The following ATF1 variants were observed in gnomAD, a reference collection of about 807,000 sequenced individuals.
The protein encoded by ATF1 is activating transcription factor 1.
In ATF1, 16 loss-of-function variants were observed where a neutral mutation model predicts 34.7. That is an observed-to-expected ratio of 0.46 (90% CI 0.31 to 0.70). The LOEUF (loss-of-function observed/expected upper bound fraction) is 0.70. Ranked by LOEUF, ATF1 falls within the 30% of genes least tolerant of loss-of-function variation. ATF1 has a pLI of 0.05. For missense variants in ATF1, 255 were observed against 321.6 expected (o/e 0.79, Z 1.58); for synonymous variants, 105 against 113.1 (o/e 0.93, Z 0.46).
rs1202757802 is a variant in ATF1, at chr12:50,817,377, ATCT to A, written c.672-2256_672-2254del. ...TGAATAATCATTTCAACATGAATAAATCTTAGAAAAATTGAATGAAAAAACAAG... is the reference window on the plus strand; with the variant it reads ...TGAATAATCATTTCAACATGAATAAATAGAAAAATTGAATGAAAAAACAAG... On this transcript the variant is annotated intron_variant, in intron 6 of 6. Coordinates refer to ENST00000262053, the MANE Select transcript of ATF1 (RefSeq NM_005171.5). 3.9e-5 allele frequency among the ~76,000 whole-genome samples: 6 copies of A among 152,352 alleles called. No homozygotes were observed. In the East Asian group the frequency reaches 7.7e-4, roughly 20 times the overall value.
chr12:50,809,599 G>C lies in ATF1; in HGVS notation c.328+10G>C. On this transcript the variant is annotated intron_variant, in intron 4 of 6. Transcript: ENST00000262053. Reference sequence around the variant, plus strand: ...AGCAGCGGACAGTACAGTATGTATAGGAATCAGTTTCCACATTATAAACAC... The same window carrying C: ...AGCAGCGGACAGTACAGTATGTATACGAATCAGTTTCCACATTATAAACAC... 2 of 1,599,278 alleles carry C rather than the reference G, an allele frequency of 1.3e-6. No individual in the cohort carries two copies. The highest frequency in any genetic ancestry group is 2.3e-5 in the South Asian group (2 of 88,626).
intron 3 of ATF1, among the ~76,000 whole-genome samples, chr12:50,801,559 A>C (rs565086522): frequency 6.6e-6 from 1 of 152,332 alleles, no homozygotes; most frequent in South Asian, 2.1e-4. Flanking sequence ...TATAGACACA[A>C]AAAATCCTCG....
At position 50,809,572 on chromosome 12, in the gene ATF1, C is replaced by G; in HGVS notation, c.311C>G (p.Thr104Ser). Reference protein sequence around the residue: ...SMSVPTPIYQTSSGQYIAIAP... With the variant: ...SMSVPTPIYQSSSGQYIAIAP... ...TCTGTTCCAACTCCCATCTATCAGA[C>G]TAGCAGCGGACAGTACAGTATGTAT... Residue 104 changes from threonine to serine, a missense_variant, in exon 4 of 7, where the codon ACT becomes AGT. Transcript: ENST00000262053. 1.2e-6 allele frequency: 2 copies of G among 1,613,704 alleles called. No homozygotes were observed. Among genetic ancestry groups the G allele is most frequent in the Non-Finnish European group, 1.7e-6 (2 of 1,179,744 alleles).
intron 6 of ATF1, among the ~76,000 whole-genome samples, chr12:50,816,932 A>G (rs533455490): frequency 4.6e-5 from 7 of 152,298 alleles, no homozygotes; most frequent in Admixed American, 1.3e-4. Flanking sequence ...CCTTATTAGT[A>G]ATCAAAGAAA....
Position 50,794,932 on chromosome 12 carries a change from T to A in ATF1, c.94-977T>A, listed in dbSNP as rs544115717. On this transcript the variant is annotated intron_variant, in intron 2 of 6. Coordinates refer to ENST00000262053, the MANE Select transcript of ATF1 (RefSeq NM_005171.5). ...AGACCCTGTCTCAAAAATAAAAAAA[T>A]TAAAAATATTTAAAAAAAAATTGAA... 1.9e-4 allele frequency among the ~76,000 whole-genome samples: 29 copies of A among 152,014 alleles called. 1 individual carries two copies. In the East Asian group the frequency reaches 5.4e-3, roughly 28 times the overall value.
chr12:50,797,365 A>C (rs1941428042), intron 3 of ATF1, among the ~76,000 whole-genome samples: 1 of 152,232 alleles, frequency 6.6e-6, no homozygotes, highest in African/African-American at 2.4e-5. Context: ...TAAAAGCTAA[A>C]AGCTTCCAAG....
At position 50,796,001 on chromosome 12, in the gene ATF1, A is replaced by G. The variant is rs768121733; in HGVS notation, c.186A>G (p.Pro62=). The G allele has an allele frequency of 1.9e-6, 3 of 1,609,296 alleles. No homozygotes were observed. Among genetic ancestry groups the G allele is most frequent in the African/African-American group, 1.3e-5 (1 of 74,490 alleles). ...CCCACGGGATCCTAGCACGGCGCCC[A>G]TCTTACAGGTGAGTACTCTCTTGTA... ...QKAHGILARR[P]SYRKILKDLS... is the part of the protein sequence containing the mutation. The change falls in exon 3 of 7, where the codon CCA becomes CCG. Residue 62 remains proline, a synonymous_variant. Transcript: ENST00000262053.
chr12:50,813,507 T>G (rs377269151), intron 4 of ATF1, among the ~76,000 whole-genome samples: 9 of 152,340 alleles, frequency 5.9e-5, no homozygotes, highest in African/African-American at 2.2e-4. Context: ...CCTTTTTATT[T>G]TTTCTTAAAA....
At chr12:50,789,804 T>G (rs996831523) in intron 2 of ATF1, among the ~76,000 whole-genome samples, 3 of 152,004 alleles carry the variant, frequency 2.0e-5, no homozygotes, top group African/African-American at 7.3e-5. Context: ...CTCCCTTTCC[T>G]CCTTTGAAAG....
At chr12:50,788,374 T>C in intron 2 of ATF1, 1 of 359,344 alleles carries the variant, frequency 2.8e-6, no homozygotes, top group Non-Finnish European at 5.5e-6. Flanking sequence ...TTTGTAGAGA[T>C]GGGGTTTTGC....
intron 1 of ATF1, among the ~76,000 whole-genome samples, chr12:50,768,855 T>C (rs1020434332): frequency 9.2e-5 from 14 of 152,196 alleles, no homozygotes; most frequent in Admixed American, 4.6e-4. Flanking sequence ...TCTTTGACTT[T>C]TAAAAATTGT....
At chr12:50,770,040 C>A (rs1301252929) in intron 1 of ATF1, among the ~76,000 whole-genome samples, 1 of 152,120 alleles carries the variant, frequency 6.6e-6, no homozygotes, top group Admixed American at 6.6e-5. Flanking sequence ...GTCAAGGAAA[C>A]TTTTCATTTG....
chr12:50,773,842 G>A (rs1223356530), intron 1 of ATF1, among the ~76,000 whole-genome samples: 1 of 151,932 alleles, frequency 6.6e-6, no homozygotes, highest in Non-Finnish European at 1.5e-5. Context: ...TGCCCGCCTC[G>A]ATCTCCCAAA....
chr12:50,819,886 T>TA lies in ATF1; in HGVS notation c.*107_*108insA. ...AAAACTGAAGCTTTTTATTTAGGCT[T>TA]TTCCAAATCAAGGATAAATATCTTA... On this transcript the variant is annotated 3_prime_UTR_variant, in exon 7 of 7. Coordinates refer to ENST00000262053, the MANE Select transcript of ATF1 (RefSeq NM_005171.5). 2.0e-6 allele frequency: 2 copies of TA among 993,076 alleles called. No homozygotes were observed. Among genetic ancestry groups the TA allele is most frequent in the Non-Finnish European group, 2.9e-6 (2 of 688,624 alleles). 61.5% of individuals were successfully genotyped at this position (993,076 alleles called of 1,614,324 possible).
At position 50,819,998 on chromosome 12, in the gene ATF1, A is replaced by T. The variant is rs1302750791; in HGVS notation, c.*219A>T. The T allele has an allele frequency of 5.6e-6, 2 of 358,942 alleles. No homozygotes were observed. Among genetic ancestry groups the T allele is most frequent in the South Asian group, 8.1e-5 (1 of 12,316 alleles). The allele number at this position is 358,942 out of a possible 1,614,324, so 22.2% of individuals were successfully genotyped here. ...ACTGGAAGCTTTGTAGAAATTAAAC[A>T]TATTCAAGGAGCAAGAAATGAACTT... On this transcript the variant is annotated 3_prime_UTR_variant, in exon 7 of 7. Transcript: ENST00000262053.
chr12:50,816,219 C>G (rs758314698), intron 6 of ATF1, among the ~76,000 whole-genome samples: 1 of 151,722 alleles, frequency 6.6e-6, no homozygotes, highest in Admixed American at 6.6e-5. Flanking sequence ...CCCAGCTACT[C>G]GGGAGGCTGA....
intron 3 of ATF1, among the ~76,000 whole-genome samples, chr12:50,809,165 G>A (rs1941678407): frequency 6.6e-6 from 1 of 152,030 alleles, no homozygotes; most frequent in Non-Finnish European, 1.5e-5. Context: ...CTTGAAGCCA[G>A]GAGATCAAGA....
At chr12:50,773,842 G>C (rs1223356530) in intron 1 of ATF1, among the ~76,000 whole-genome samples, 1 of 152,050 alleles carries the variant, frequency 6.6e-6, no homozygotes, top group Non-Finnish European at 1.5e-5. Context: ...TGCCCGCCTC[G>C]ATCTCCCAAA....
chr12:50,774,499 C>T (rs1413352813), intron 1 of ATF1, among the ~76,000 whole-genome samples: 10 of 152,116 alleles, frequency 6.6e-5, no homozygotes, highest in Admixed American at 6.6e-4. Context: ...TCCTGTTAAG[C>T]TTATATATGC....
Sources: allele counts gnomAD v4.1 joint callset (sites outside exome capture counted in the v4.1 genomes callset), GRCh38; gene constraint gnomAD v4.1.1; transcripts MANE v1.5; gene names NCBI Gene and HGNC (gene_info 2026-07-23, HGNC 2026-07-21).